SMAP1: variants seen among roughly 807,000 people sequenced by gnomAD.
SMAP1 encodes the protein stromal membrane-associated protein 1.
Under a neutral mutation model 58.5 loss-of-function variants are expected in SMAP1, and 24 were observed. The observed-to-expected ratio is 0.41, with a 90% CI of 0.30 to 0.58. The LOEUF is 0.58. Ranked by LOEUF, SMAP1 falls within the 20% of genes least tolerant of loss-of-function variation. The probability of loss-of-function intolerance (pLI) is 0.29; values close to 1 mark genes in which losing one functional copy is unlikely to be tolerated. For synonymous variants in SMAP1, 216 were observed against 196.6 expected, an observed-to-expected ratio of 1.10 and a Z score of -0.82; for missense variants, 563 against 566.3, an observed-to-expected ratio of 0.99 and a Z score of 0.06.
At position 70,683,165 on chromosome 6, in the gene SMAP1, CTT is replaced by C. The variant is rs112629325; in HGVS notation, c.118+15043_118+15044del. 1.6e-3 allele frequency among the ~76,000 whole-genome samples: 184 copies of C among 114,524 alleles called. 1 individual carries two copies. The highest frequency in any genetic ancestry group is 5.2e-3 in the Middle Eastern group (1 of 194). The allele number at this position is 114,524 out of a possible 152,430, so 75.1% of individuals were successfully genotyped here. A position where few individuals can be genotyped will look rare whatever the true frequency, so the allele number is the denominator to read the frequency against. ...TTTTCTTGATACTCTTAAGATTTAA[CTT>C]TTTTTTTTTTTTTTTTTTCTTGAGG... On this transcript the variant is annotated intron_variant, in intron 1 of 10. Transcript: ENST00000370455.
rs1219150239 is a variant in SMAP1, at chr6:70,728,045, T to C, written c.119-4333T>C. On this transcript the variant is annotated intron_variant, in intron 1 of 10. Coordinates refer to ENST00000370455, the MANE Select transcript of SMAP1 (RefSeq NM_001044305.3). ...CACCACTGCACTCCAGCCTGGGCAATAGAGTGAGACCCTGTCTCAAAGAAA... is the reference window on the plus strand; with the variant it reads ...CACCACTGCACTCCAGCCTGGGCAACAGAGTGAGACCCTGTCTCAAAGAAA... 5.3e-5 allele frequency among the ~76,000 whole-genome samples: 8 copies of C among 151,940 alleles called. No homozygotes were observed. In the South Asian group the frequency reaches 6.2e-4, roughly 12 times the overall value.
At chr6:70,685,903 A>ATTATT (rs1766916484) in intron 1 of SMAP1, among the ~76,000 whole-genome samples, 1 of 151,836 alleles carries the variant, frequency 6.6e-6, no homozygotes, top group South Asian at 2.1e-4. Flanking sequence ...TAATTTTTTT[A>ATTATT]TTATTTTATT....
intron 1 of SMAP1, among the ~76,000 whole-genome samples, chr6:70,701,498 T>G (rs1767625583): frequency 6.6e-6 from 1 of 152,156 alleles, no homozygotes; most frequent in Admixed American, 6.5e-5. Flanking sequence ...CTAGAGTGCT[T>G]TAGCATGCAC....
intron 1 of SMAP1, among the ~76,000 whole-genome samples, chr6:70,697,969 G>T (rs180993021): frequency 1.3e-5 from 2 of 152,060 alleles, no homozygotes; most frequent in Non-Finnish European, 2.9e-5. Context: ...AATATTCTGC[G>T]TTTTTTTGTG....
chr6:70,775,295 C>T (rs1767501663), intron 4 of SMAP1, among the ~76,000 whole-genome samples: 1 of 151,954 alleles, frequency 6.6e-6, no homozygotes, highest in African/African-American at 2.4e-5. Flanking sequence ...ATATTAAACA[C>T]TTTTAAAATA....
chr6:70,807,080 A>G (rs1582228692), intron 6 of SMAP1, among the ~76,000 whole-genome samples: 1 of 152,278 alleles, frequency 6.6e-6, no homozygotes, highest in East Asian at 1.9e-4. Flanking sequence ...GTGTTCATAT[A>G]TAACCTCATC....
At chr6:70,711,754 C>T (rs1435698084) in intron 1 of SMAP1, among the ~76,000 whole-genome samples, 2 of 152,088 alleles carry the variant, frequency 1.3e-5, no homozygotes, top group African/African-American at 2.4e-5. Context: ...TCTCGAACTC[C>T]TGACCTCAGG....
Position 70,815,963 on chromosome 6 carries a change from G to A in SMAP1, c.576+17226G>A, listed in dbSNP as rs1324299001. Among the ~76,000 whole-genome samples the A allele has an allele frequency of 2.0e-5, 3 of 152,140 alleles. No homozygotes were observed. In the East Asian group the frequency reaches 5.8e-4, roughly 29 times the overall value. On this transcript the variant is annotated intron_variant, in intron 6 of 10. Transcript: ENST00000370455. ...AATGATGAAAACAGCTTACCCTCAAGAATCTTAAAATTCAGAAAGAACTAG... is the reference window on the plus strand; with the variant it reads ...AATGATGAAAACAGCTTACCCTCAAAAATCTTAAAATTCAGAAAGAACTAG...
chr6:70,737,297 A>G (rs772298166), intron 2 of SMAP1, among the ~76,000 whole-genome samples: 2 of 152,112 alleles, frequency 1.3e-5, no homozygotes, highest in African/African-American at 2.4e-5. Context: ...ATGAGCCACC[A>G]TGCCTGGCTA....
chr6:70,711,119 C>G (rs1453652437), intron 1 of SMAP1, among the ~76,000 whole-genome samples: 1 of 152,100 alleles, frequency 6.6e-6, no homozygotes, highest in Non-Finnish European at 1.5e-5. Context: ...GGAGTACATT[C>G]TAAAATAACA....
intron 3 of SMAP1, among the ~76,000 whole-genome samples, chr6:70,772,769 C>G (rs1165309412): frequency 6.6e-6 from 1 of 152,154 alleles, no homozygotes; most frequent in Non-Finnish European, 1.5e-5. Context: ...CACTGTTCTT[C>G]TAATACATGT....
chr6:70,790,527 C>G (rs1379617422), intron 4 of SMAP1, among the ~76,000 whole-genome samples: 4 of 151,978 alleles, frequency 2.6e-5, no homozygotes, highest in Non-Finnish European at 5.9e-5. Context: ...TATGGAAGAT[C>G]TACATTTTAT....
chr6:70,842,403 G>C (rs1164697709), intron 7 of SMAP1, among the ~76,000 whole-genome samples: 1 of 152,166 alleles, frequency 6.6e-6, no homozygotes, highest in Non-Finnish European at 1.5e-5. Flanking sequence ...GCGGATACTT[G>C]CAAGTGGTCC....
chr6:70,737,961 G>A (rs915161739), intron 2 of SMAP1, among the ~76,000 whole-genome samples: 5 of 152,114 alleles, frequency 3.3e-5, no homozygotes. Context: ...AATTCCAACG[G>A]TAATATATGC....
intron 6 of SMAP1, among the ~76,000 whole-genome samples, chr6:70,806,255 G>A (rs1025949530): frequency 6.6e-6 from 1 of 152,218 alleles, no homozygotes; most frequent in African/African-American, 2.4e-5. Flanking sequence ...TTCACAGTTT[G>A]ATCTCAGACT....
At chr6:70,824,530 G>C (rs1453818706) in intron 6 of SMAP1, among the ~76,000 whole-genome samples, 1 of 151,846 alleles carries the variant, frequency 6.6e-6, no homozygotes, top group Non-Finnish European at 1.5e-5. Flanking sequence ...TTTAAATCAA[G>C]AAAAATTAAA....
intron 6 of SMAP1, among the ~76,000 whole-genome samples, chr6:70,826,498 T>C (rs1770124386): frequency 6.6e-6 from 1 of 152,108 alleles, no homozygotes; most frequent in Non-Finnish European, 1.5e-5. Flanking sequence ...GCATGGTGTC[T>C]CACACCTGTA....
At chr6:70,676,899 C>T (rs569805529) in intron 1 of SMAP1, among the ~76,000 whole-genome samples, 6 of 152,128 alleles carry the variant, frequency 3.9e-5, no homozygotes, top group African/African-American at 1.2e-4. Flanking sequence ...CCACCTGCCA[C>T]AGCCTCCCAA....
chr6:70,775,397 T>C (rs1284811298), intron 4 of SMAP1, among the ~76,000 whole-genome samples: 1 of 152,186 alleles, frequency 6.6e-6, no homozygotes, highest in African/African-American at 2.4e-5. Flanking sequence ...TGGTTTTATT[T>C]TGGGATGGTA....
Sources: gnomAD v4.1 joint callset for allele counts (sites outside exome capture counted in the v4.1 genomes callset) on GRCh38, gnomAD v4.1.1 for gene constraint, MANE v1.5 for transcripts, NCBI Gene and HGNC (gene_info 2026-07-23, HGNC 2026-07-21) for gene names.